The following TMEM232 variants were observed in gnomAD, a reference collection of about 807,000 sequenced individuals.
TMEM232 encodes transmembrane protein 232.
In TMEM232, 80 loss-of-function variants were observed where a neutral mutation model predicts 78.8. That is an observed-to-expected ratio of 1.01 (90% CI 0.85 to 1.22). The LOEUF (loss-of-function observed/expected upper bound fraction) is 1.22, where lower values mean the gene tolerates loss of function less well. Among genes scored for constraint, TMEM232 ranks in the 50% most tolerant of loss-of-function variants. The pLI is 0.00. For synonymous variants in TMEM232, 297 were observed against 254.3 expected, an observed-to-expected ratio of 1.17 and a Z score of -1.60; for missense variants, 881 against 742.2, an observed-to-expected ratio of 1.19 and a Z score of -2.17.
intron 1 of TMEM232, among the ~76,000 whole-genome samples, chr5:110,697,180 A>C (rs1009123764): frequency 2.0e-5 from 3 of 152,192 alleles, no homozygotes; most frequent in African/African-American, 7.2e-5. Context: ...CAAACCTGAC[A>C]AAAACAAGAA....
At chr5:110,425,552 TAGTCA>T (rs1757137593) in intron 12 of TMEM232, among the ~76,000 whole-genome samples, 1 of 152,118 alleles carries the variant, frequency 6.6e-6, no homozygotes, top group Non-Finnish European at 1.5e-5. Context: ...CAAAAAAGTC[TAGTCA>T]ATTTTTAAGA....
At chr5:110,685,681 GACTT>G (rs1793308807) in intron 1 of TMEM232, among the ~76,000 whole-genome samples, 1 of 152,034 alleles carries the variant, frequency 6.6e-6, no homozygotes, top group Non-Finnish European at 1.5e-5. Context: ...GTCATAAAAA[GACTT>G]GTACAAGAAT....
At chr5:110,696,442 G>T (rs1452590635) in intron 1 of TMEM232, among the ~76,000 whole-genome samples, 3 of 152,184 alleles carry the variant, frequency 2.0e-5, no homozygotes, top group African/African-American at 7.2e-5. Context: ...AGTGTTGGAA[G>T]TTCAGGCCAG....
chr5:110,732,953 A>G (rs1798819986), intron 2 of TMEM232, among the ~76,000 whole-genome samples: 1 of 152,238 alleles, frequency 6.6e-6, no homozygotes, highest in East Asian at 1.9e-4. Flanking sequence ...CAGTATCTAC[A>G]AGGAACTTAA....
intron 12 of TMEM232, among the ~76,000 whole-genome samples, chr5:110,469,749 G>C (rs773593587): frequency 1.3e-5 from 2 of 152,134 alleles, no homozygotes; most frequent in Non-Finnish European, 1.5e-5. Flanking sequence ...TGCCTTCCAG[G>C]GAATCAGTGC....
intron 1 of TMEM232, chr5:110,684,898 C>CT (rs1793202597): frequency 6.6e-6 from 1 of 152,040 alleles, no homozygotes. Context: ...TCAATGCAAG[C>CT]ACACAGCTGC....
intron 8 of TMEM232, among the ~76,000 whole-genome samples, chr5:110,610,235 A>AGAGG (rs1782038808): frequency 2.3e-5 from 1 of 43,924 alleles, no homozygotes. Context: ...AGGGAAAAAG[A>AGAGG]AAGGAAGGAA....
chr5:110,705,075 C>T (rs1449782242), intron 1 of TMEM232, among the ~76,000 whole-genome samples: 1 of 152,132 alleles, frequency 6.6e-6, no homozygotes. Flanking sequence ...TTGGCATATC[C>T]AAACTAAACT....
At chr5:110,442,163 A>T (rs1759125588) in intron 12 of TMEM232, among the ~76,000 whole-genome samples, 2 of 152,090 alleles carry the variant, frequency 1.3e-5, no homozygotes, top group South Asian at 4.1e-4. Flanking sequence ...TATCTTCTCT[A>T]GGTTTGGGAA....
intron 11 of TMEM232, among the ~76,000 whole-genome samples, chr5:110,548,345 T>C (rs1411617567): frequency 5.4e-5 from 8 of 149,198 alleles, no homozygotes; most frequent in Non-Finnish European, 1.2e-4. Flanking sequence ...ATATTATTAA[T>C]CATTAATTAT....
chr5:110,526,683 C>T lies in TMEM232; in HGVS notation c.1703+1905G>A, dbSNP rs143180003. ...TTACAAAGGCATATATACTTTGACC[C>T]AGAAATTACACTTCTGAGAATTTAT... On this transcript the variant is annotated intron_variant, in intron 12 of 13. Coordinates refer to ENST00000455884, the MANE Select transcript of TMEM232 (RefSeq NM_001039763.4). Among the ~76,000 whole-genome samples the T allele has an allele frequency of 5.4e-3, 816 of 151,968 alleles. 4 individuals carry two copies. The highest frequency in any genetic ancestry group is 7.2e-3 in the African/African-American group (297 of 41,522).
intron 2 of TMEM232, among the ~76,000 whole-genome samples, chr5:110,660,762 T>C (rs1789671265): frequency 6.6e-6 from 1 of 152,190 alleles, no homozygotes; most frequent in Non-Finnish European, 1.5e-5. Context: ...TACAAACATA[T>C]AATGTTTAAT....
chr5:110,501,616 A>C (rs896852049), intron 12 of TMEM232, among the ~76,000 whole-genome samples: 2 of 152,158 alleles, frequency 1.3e-5, no homozygotes, highest in African/African-American at 2.4e-5. Context: ...GAAAAGGAGA[A>C]ATAACTCGCA....
intron 12 of TMEM232, among the ~76,000 whole-genome samples, chr5:110,524,298 GAAAT>G (rs1770063126): frequency 7.9e-6 from 1 of 126,812 alleles, no homozygotes; most frequent in African/African-American, 3.0e-5. Context: ...GAGGGAGAAA[GAAAT>G]AAAAAGAAAG....
At chr5:110,513,702 G>A (rs1768143708) in intron 12 of TMEM232, 1 of 159,226 alleles carries the variant, frequency 6.3e-6, no homozygotes, top group Non-Finnish European at 1.5e-5. Flanking sequence ...AGTGTTGATG[G>A]GGATATGGAG....
intron 12 of TMEM232, among the ~76,000 whole-genome samples, chr5:110,503,147 G>A (rs1253204208): frequency 1.3e-5 from 2 of 152,166 alleles, no homozygotes; most frequent in Non-Finnish European, 2.9e-5. Context: ...CTTAACAGAA[G>A]CCACTCTGAC....
chr5:110,419,104 T>C (rs975162136), downstream of TMEM232, among the ~76,000 whole-genome samples: 1 of 151,856 alleles, frequency 6.6e-6, no homozygotes, highest in African/African-American at 2.4e-5. Flanking sequence ...AGTGAATAGT[T>C]GATGGAACAA....
chr5:110,432,956 C>T (rs557791592), intron 12 of TMEM232, among the ~76,000 whole-genome samples: 44 of 151,856 alleles, frequency 2.9e-4, no homozygotes, highest in African/African-American at 9.9e-4. Context: ...TATATATGCA[C>T]TCAATATTGG....
chr5:110,651,634 A>G (rs912213433), intron 2 of TMEM232, among the ~76,000 whole-genome samples: 1 of 152,110 alleles, frequency 6.6e-6, no homozygotes, highest in Non-Finnish European at 1.5e-5. Context: ...AGCATGACAC[A>G]ATTTTGTTAA....
Sources: allele counts gnomAD v4.1 joint callset (sites outside exome capture counted in the v4.1 genomes callset), GRCh38; gene constraint gnomAD v4.1.1; transcripts MANE v1.5; gene names NCBI Gene and HGNC (gene_info 2026-07-23, HGNC 2026-07-21).